Variants in LPIN2 observed in about 807,000 individuals in gnomAD.
The protein encoded by LPIN2 is phosphatidate phosphatase LPIN2.
A neutral mutation model predicts 111.4 loss-of-function variants in LPIN2; 55 were observed. That is an observed-to-expected ratio of 0.49 (90% CI 0.40 to 0.62). The LOEUF is 0.62. Ranked by LOEUF, LPIN2 falls within the 20% of genes least tolerant of loss-of-function variation. LPIN2 has a pLI of 0.00. For missense variants in LPIN2, 992 were observed against 1,112.1 expected, an observed-to-expected ratio of 0.89 and a Z score of 1.54; for synonymous variants, 425 against 414.0, an observed-to-expected ratio of 1.03 and a Z score of -0.32.
At chr18:2,955,930 A>G (rs1211672182) in intron 2 of LPIN2, among the ~76,000 whole-genome samples, 4 of 152,160 alleles carry the variant, frequency 2.6e-5, no homozygotes, top group African/African-American at 4.8e-5. Context: ...AAAAACAAAC[A>G]AAACAAAACA....
chr18:3,002,259 C>CG (rs1462263665), intron 1 of LPIN2, among the ~76,000 whole-genome samples: 1 of 130,246 alleles, frequency 7.7e-6, no homozygotes, highest in Non-Finnish European at 1.6e-5. Flanking sequence ...AAAAAAAAAA[C>CG]CCACCATAAC....
intron 5 of LPIN2, 31 bp downstream of exon 5, chr18:2,940,574 C>A: frequency 7.1e-7 from 1 of 1,408,742 alleles, no homozygotes; most frequent in Non-Finnish European, 1.0e-6. Context: ...CTTCCTCTTT[C>A]AAGAAACCAA....
Position 2,981,023 on chromosome 18 carries a change from T to C in LPIN2, c.-9-20174A>G, listed in dbSNP as rs184257463. ...ACTTGTTTCAAAAAATATGAAAACATGGTCTTTGAAATTTCCCAATTTCTA... is the reference window on the plus strand; with the variant it reads ...ACTTGTTTCAAAAAATATGAAAACACGGTCTTTGAAATTTCCCAATTTCTA... On this transcript the variant is annotated intron_variant, in intron 1 of 19. Transcript: ENST00000677752. Among the ~76,000 whole-genome samples, 86 of 152,350 alleles carry C rather than the reference T, an allele frequency of 5.6e-4. 1 individual carries two copies. Among genetic ancestry groups the C allele is most frequent in the African/African-American group, 1.8e-3 (74 of 41,580 alleles).
chr18:2,980,969 T>A (rs2078101603), intron 1 of LPIN2, among the ~76,000 whole-genome samples: 1 of 152,236 alleles, frequency 6.6e-6, no homozygotes, highest in South Asian at 2.1e-4. Flanking sequence ...AATTTAGCTT[T>A]TTCCTTAGCA....
chr18:2,954,980 A>G (rs2077587062), intron 2 of LPIN2, among the ~76,000 whole-genome samples: 1 of 152,162 alleles, frequency 6.6e-6, no homozygotes, highest in Admixed American at 6.5e-5. Flanking sequence ...GAACCTCAGT[A>G]TGTGAGCTGT....
At chr18:2,994,208 C>CT (rs2078306866) in intron 1 of LPIN2, among the ~76,000 whole-genome samples, 1 of 152,248 alleles carries the variant, frequency 6.6e-6, no homozygotes, top group Non-Finnish European at 1.5e-5. Flanking sequence ...TTAGAAGGCT[C>CT]TGTGTATCAT....
chr18:2,928,793 C>T (rs1197940697), intron 10 of LPIN2, 133 bp from the exon 11 acceptor site: 5 of 774,430 alleles, frequency 6.5e-6, no homozygotes, highest in Non-Finnish European at 1.1e-5. Context: ...AGATGATCAG[C>T]TGAATTTTTT....
intron 1 of LPIN2, among the ~76,000 whole-genome samples, chr18:2,984,604 G>A (rs962004569): frequency 6.6e-6 from 1 of 151,900 alleles, no homozygotes; most frequent in South Asian, 2.1e-4. Context: ...AAAGTTAGAG[G>A]GGCAGAGGAA....
intron 3 of LPIN2, among the ~76,000 whole-genome samples, chr18:2,952,819 T>C (rs2077556871): frequency 6.6e-6 from 1 of 152,174 alleles, no homozygotes; most frequent in Non-Finnish European, 1.5e-5. Context: ...AGCAAGAAAA[T>C]GGTTAAACAA....
intron 1 of LPIN2, among the ~76,000 whole-genome samples, chr18:2,968,053 G>A (rs1196816987): frequency 1.3e-5 from 2 of 152,168 alleles, no homozygotes; most frequent in Non-Finnish European, 2.9e-5. Context: ...CTTCAGTGGA[G>A]AAAGAGCCCC....
Position 2,925,154 on chromosome 18 carries a change from AG to A in LPIN2, c.1938+69del. The A allele has an allele frequency of 6.3e-7, 1 of 1,575,276 alleles. No homozygotes were observed. The highest frequency in any genetic ancestry group is 8.7e-7 in the Non-Finnish European group (1 of 1,146,084). On this transcript the variant is annotated intron_variant, in intron 14 of 19. Transcript: ENST00000677752. This position sits in a 1 kb window ranked among gnomAD's most constrained non-coding sequence, Gnocchi z 4.1. ...GCAGCTGGGGACGTGTGGACAGAAG[AG>A]GATGTGCATCAAATTAAACCATTAC...
At chr18:3,002,101 G>T (rs372557736) in intron 1 of LPIN2, among the ~76,000 whole-genome samples, 4 of 152,142 alleles carry the variant, frequency 2.6e-5, no homozygotes, top group African/African-American at 9.6e-5. Context: ...ACAGGGAGAT[G>T]TCCTAAAACA....
At chr18:2,998,813 C>T (rs1401192693) in intron 1 of LPIN2, among the ~76,000 whole-genome samples, 2 of 152,142 alleles carry the variant, frequency 1.3e-5, no homozygotes, top group East Asian at 3.8e-4. Flanking sequence ...GATATAGATA[C>T]GGTTTACTTT....
At chr18:3,003,022 C>A (rs138386029) in intron 1 of LPIN2, among the ~76,000 whole-genome samples, 1 of 152,222 alleles carries the variant, frequency 6.6e-6, no homozygotes, top group South Asian at 2.1e-4. Flanking sequence ...GAGGTGGATG[C>A]GGGCTCCAGT....
intron 1 of LPIN2, chr18:2,990,961 C>A (rs1324869009): frequency 1.9e-5 from 11 of 568,128 alleles, no homozygotes; most frequent in Admixed American, 1.9e-5. Flanking sequence ...GGGACCTGCT[C>A]CTGGAATGAG....
chr18:2,960,442 G>C (rs540960418), intron 2 of LPIN2, among the ~76,000 whole-genome samples: 1 of 150,422 alleles, frequency 6.6e-6, no homozygotes, highest in South Asian at 2.1e-4. Flanking sequence ...GAGCTTTGTG[G>C]TTTTCAAAGT....
rs775520741 is a variant in LPIN2 at position 2,953,225 on chromosome 18, G to A, written c.288+1279C>T. Among the ~76,000 whole-genome samples, 54 of 152,242 alleles carry A rather than the reference G, an allele frequency of 3.5e-4. 1 individual carries two copies. Among genetic ancestry groups the A allele is most frequent in the Admixed American group, 1.9e-3 (29 of 15,300 alleles). ...GTCCTTGCTGAGCATAATTTTTAGC[G>A]GAACTGTCAGAATAAGCCATGAAAA... On this transcript the variant is annotated intron_variant, in intron 3 of 19. Coordinates refer to ENST00000677752, the MANE Select transcript of LPIN2 (RefSeq NM_001375808.2).
chr18:2,953,310 A>G (rs1480507533), intron 3 of LPIN2, among the ~76,000 whole-genome samples: 1 of 152,190 alleles, frequency 6.6e-6, no homozygotes, highest in Non-Finnish European at 1.5e-5. Flanking sequence ...CTAGAAGTTC[A>G]GTGTTATGAA....
rs2077028284 is a variant in LPIN2, at chr18:2,919,978, T to C, written c.*315A>G. 6.8e-6 allele frequency: 3 copies of C among 439,730 alleles called. No individual in the cohort carries two copies. The highest frequency in any genetic ancestry group is 6.4e-5 in the South Asian group (3 of 46,564). 27.2% of individuals were successfully genotyped at this position (439,730 alleles called of 1,614,324 possible). A position where few individuals can be genotyped will look rare whatever the true frequency, so the allele number is the denominator to read the frequency against. ...TTTGGTCCACTCTTTTTTAGCTGCT[T>C]TTTTCTTCCTTTAAAATGATGCAAT... On this transcript the variant is annotated 3_prime_UTR_variant, in exon 20 of 20. Transcript: ENST00000677752.
Sources: gnomAD v4.1 joint callset for allele counts (sites outside exome capture counted in the v4.1 genomes callset) on GRCh38, gnomAD v4.1.1 for gene constraint, Gnocchi (gnomAD v3.1) non-coding constraint, MANE v1.5 for transcripts, NCBI Gene and HGNC (gene_info 2026-07-23, HGNC 2026-07-21) for gene names.